MACF1: variants seen among roughly 807,000 people sequenced by gnomAD.
MACF1 encodes the protein microtubule-actin cross-linking factor 1.
MACF1 carries 193 observed loss-of-function variants against 854.8 expected under a neutral mutation model. The ratio of observed to expected loss-of-function variants is 0.23; its 90% CI spans 0.20 to 0.25. The LOEUF is 0.25. MACF1 is among the 10% of genes least tolerant of loss of function. The pLI, the probability that MACF1 is intolerant of heterozygous loss-of-function variation, is 1.00. For missense variants in MACF1, 7,722 were observed against 8,929.1 expected, an observed-to-expected ratio of 0.86 and a Z score of 5.45; for synonymous variants, 3,185 against 3,226.7, an observed-to-expected ratio of 0.99 and a Z score of 0.44.
rs529552408 is a variant in MACF1 at position 39,356,827 on chromosome 1, A to G, written c.11425-548A>G. Reference sequence around the variant, plus strand: ...AACAAACTGCATGACCTTAGTCAAGATATATAACGTCTTTTTGGTATTCAC... The same window carrying G: ...AACAAACTGCATGACCTTAGTCAAGGTATATAACGTCTTTTTGGTATTCAC... On this transcript the variant is annotated intron_variant, in intron 44 of 100. Transcript: ENST00000564288. Among the ~76,000 whole-genome samples the G allele has an allele frequency of 1.0e-3, 152 of 152,322 alleles. No homozygotes were observed. In the Middle Eastern group the frequency reaches 0.01, roughly 10 times the overall value.
At chr1:39,273,356 A>ATAG in intron 6 of MACF1, among the ~76,000 whole-genome samples, 1 of 151,996 alleles carries the variant, frequency 6.6e-6, no homozygotes. Flanking sequence ...TTTTAGGTGA[A>ATAG]TAGTCAGATA....
chr1:39,428,490 A>G (rs905254930), intron 63 of MACF1, among the ~76,000 whole-genome samples: 6 of 152,192 alleles, frequency 3.9e-5, no homozygotes, highest in Admixed American at 2.0e-4. Flanking sequence ...AACAAGTTAA[A>G]TCAGTAATTC....
chr1:39,377,231 G>A (rs565749393), intron 52 of MACF1, among the ~76,000 whole-genome samples: 10 of 152,012 alleles, frequency 6.6e-5, no homozygotes, highest in Non-Finnish European at 1.0e-4. Context: ...GGCTGGTCTC[G>A]AACCTCCTGA....
intron 6 of MACF1, among the ~76,000 whole-genome samples, chr1:39,260,958 A>C (rs1645157338): frequency 6.6e-6 from 1 of 152,136 alleles, no homozygotes; most frequent in African/African-American, 2.4e-5. Flanking sequence ...TCCAAGTGAC[A>C]ATATGAATGT....
chr1:39,155,811 C>T (rs1216205246), intron 2 of MACF1, among the ~76,000 whole-genome samples: 1 of 152,124 alleles, frequency 6.6e-6, no homozygotes, highest in East Asian at 1.9e-4. Context: ...CTTCCGCCTC[C>T]GGGTTTCAAG....
intron 1 of MACF1, among the ~76,000 whole-genome samples, chr1:39,228,165 C>T (rs1441471070): frequency 6.6e-6 from 1 of 152,030 alleles, no homozygotes; most frequent in Non-Finnish European, 1.5e-5. Flanking sequence ...AAAAAATTAG[C>T]CGGACGTGGT....
chr1:39,433,817 C>A (rs1044834987), intron 68 of MACF1, among the ~76,000 whole-genome samples: 1 of 152,142 alleles, frequency 6.6e-6, no homozygotes, highest in African/African-American at 2.4e-5. Flanking sequence ...CGGTGGCTCA[C>A]GCCTGTAATC....
chr1:39,127,718 C>T (rs1422449368), intron 2 of MACF1, among the ~76,000 whole-genome samples: 1 of 152,100 alleles, frequency 6.6e-6, no homozygotes, highest in African/African-American at 2.4e-5. Flanking sequence ...GGGAAGTGAC[C>T]TTTACTTGTG....
intron 2 of MACF1, among the ~76,000 whole-genome samples, chr1:39,086,310 G>T (rs1410451885): frequency 6.6e-6 from 1 of 152,264 alleles, no homozygotes; most frequent in Non-Finnish European, 1.5e-5. Context: ...AAGGACTTTA[G>T]AGGGAATGAG....
At chr1:39,373,473 GAAAAAAAAAAAAA>G (rs57688838) in intron 52 of MACF1, 23 of 66,340 alleles carry the variant, frequency 3.5e-4, no homozygotes, top group African/African-American at 5.2e-4. Flanking sequence ...TCCATCTCAG[GAAAAAAAAAAAAA>G]AAAAAAAAAA....
chr1:39,201,340 T>C (rs1009005984), upstream of MACF1, among the ~76,000 whole-genome samples: 4 of 152,040 alleles, frequency 2.6e-5, no homozygotes, highest in African/African-American at 9.7e-5. Flanking sequence ...AGTAGTATGA[T>C]CTCAACATAG....
intron 49 of MACF1, among the ~76,000 whole-genome samples, chr1:39,363,313 C>T (rs2148522300): frequency 6.6e-6 from 1 of 152,278 alleles, no homozygotes; most frequent in South Asian, 2.1e-4. Flanking sequence ...AGGATATATT[C>T]TCATTGTCTT....
chr1:39,211,433 A>T (rs966687100), intron 1 of MACF1, among the ~76,000 whole-genome samples: 6 of 152,144 alleles, frequency 3.9e-5, no homozygotes, highest in African/African-American at 1.2e-4. Flanking sequence ...TTTTAAATTT[A>T]AAAAAAATTT....
At chr1:39,248,313 A>AT (rs929755010) in intron 2 of MACF1, among the ~76,000 whole-genome samples, 2 of 149,640 alleles carry the variant, frequency 1.3e-5, no homozygotes, top group African/African-American at 4.9e-5. Flanking sequence ...TTTTTTTATT[A>AT]TTTTTTTCAG....
At chr1:39,412,289 C>T (rs1364462379) in intron 58 of MACF1, 1 of 1,613,896 alleles carries the variant, frequency 6.2e-7, no homozygotes, top group South Asian at 1.1e-5. Flanking sequence ...TTATATGAAT[C>T]AAATTTACTA....
rs754840401 is a variant in MACF1, at chr1:39,327,198, T to A, written c.4479-20T>A. 2.6e-6 allele frequency: 4 copies of A among 1,548,704 alleles called. No individual in the cohort carries two copies. In the Admixed American group the frequency reaches 7.1e-5, roughly 28 times the overall value. On this transcript the variant is annotated intron_variant, in intron 35 of 100. Coordinates refer to ENST00000564288, the MANE Select transcript of MACF1 (RefSeq NM_001394062.1). ...TTGTTTTTTTTTCTCCTAAAAAAGC[T>A]TTAATGCTTCATCTTCCAGGCTCTC...
At chr1:39,287,898 C>T (rs181232594) in intron 15 of MACF1, among the ~76,000 whole-genome samples, 11 of 152,256 alleles carry the variant, frequency 7.2e-5, no homozygotes, top group South Asian at 2.1e-4. Flanking sequence ...CTCACAGTCC[C>T]GTACTGAATA....
Position 39,333,135 on chromosome 1 carries a change from A to G in MACF1, c.6547A>G (p.Ile2183Val). 2 of 1,614,122 alleles carry G rather than the reference A, an allele frequency of 1.2e-6. No individual in the cohort carries two copies. The highest frequency in any genetic ancestry group is 1.1e-5 in the South Asian group (1 of 91,060). Residue 2183 changes from isoleucine (I) to valine (V), a missense_variant, in exon 37 of 101, where the codon ATT becomes GTT. Coordinates refer to ENST00000564288, the MANE Select transcript of MACF1 (RefSeq NM_001394062.1). ...EQAHTLETEYIHDETGGSHIK... is the reference protein window; with the variant it reads ...EQAHTLETEYVHDETGGSHIK... ...AGCACACACTCTTGAGACTGAATAT[A>G]TTCATGATGAAACTGGAGGATCTCA...
intron 26 of MACF1, among the ~76,000 whole-genome samples, chr1:39,314,796 G>T (rs1400091205): frequency 6.6e-6 from 1 of 152,154 alleles, no homozygotes; most frequent in Non-Finnish European, 1.5e-5. Flanking sequence ...TTAACTCACT[G>T]CAGTAAACAA....
Sources: allele counts gnomAD v4.1 joint callset (sites outside exome capture counted in the v4.1 genomes callset), GRCh38; gene constraint gnomAD v4.1.1; transcripts MANE v1.5; gene names NCBI Gene and HGNC (gene_info 2026-07-23, HGNC 2026-07-21).